Variants in DHRSX observed in about 807,000 individuals in gnomAD.
The protein encoded by DHRSX is polyprenol dehydrogenase.
Under a neutral mutation model 34.0 loss-of-function variants are expected in DHRSX, and 31 were observed. The ratio of observed to expected loss-of-function variants is 0.91; its 90% CI spans 0.69 to 1.23. The LOEUF (loss-of-function observed/expected upper bound fraction) is 1.23. Ranked by LOEUF, DHRSX falls within the 50% of genes most tolerant of loss-of-function variation. The pLI is 0.00. For missense variants in DHRSX, 414 were observed against 428.1 expected, an observed-to-expected ratio of 0.97 and a Z score of 0.29; for synonymous variants, 201 against 183.8, an observed-to-expected ratio of 1.09 and a Z score of -0.76.
chrX:2,382,618 C>T (rs1167639364), intron 3 of DHRSX, among the ~76,000 whole-genome samples: 6 of 9,228 alleles, frequency 6.5e-4, no homozygotes, highest in South Asian at 2.4e-3. Flanking sequence ...ACCATCATCA[C>T]CACCATCATC....
intron 3 of DHRSX, among the ~76,000 whole-genome samples, chrX:2,402,372 C>T (rs1282413029): frequency 6.6e-6 from 1 of 152,176 alleles, no homozygotes; most frequent in Non-Finnish European, 1.5e-5. Context: ...GAGCAAGGTT[C>T]GTACGGGTTT....
intron 6 of DHRSX, among the ~76,000 whole-genome samples, chrX:2,234,377 C>T (rs2015966165): frequency 6.6e-6 from 1 of 151,972 alleles, no homozygotes; most frequent in Non-Finnish European, 1.5e-5. Context: ...TCCCTGCCTT[C>T]ATCCATGCAC....
At chrX:2,469,638 A>AGCCAAGGGACT (rs2044558802) in intron 1 of DHRSX, among the ~76,000 whole-genome samples, 1 of 148,214 alleles carries the variant, frequency 6.7e-6, no homozygotes, top group Admixed American at 6.7e-5. Flanking sequence ...CTAAGGATGC[A>AGCCAAGGGACT]GCCAAGGGAC....
chrX:2,429,139 T>C (rs1342780392), intron 1 of DHRSX, among the ~76,000 whole-genome samples: 1 of 152,148 alleles, frequency 6.6e-6, no homozygotes, highest in African/African-American at 2.4e-5. Flanking sequence ...ACCTGTACAA[T>C]GACATTCCCG....
chrX:2,437,388 T>A (rs2044005172), intron 1 of DHRSX, among the ~76,000 whole-genome samples: 1 of 152,032 alleles, frequency 6.6e-6, no homozygotes, highest in Admixed American at 6.6e-5. Flanking sequence ...GAAAAATCAC[T>A]AGGTCAGAAG....
At chrX:2,228,535 G>GGAAAAAAGA (rs1467192768) in intron 6 of DHRSX, among the ~76,000 whole-genome samples, 3 of 145,658 alleles carry the variant, frequency 2.1e-5, no homozygotes, top group Non-Finnish European at 4.5e-5. Flanking sequence ...AAGGACTGGA[G>GGAAAAAAGA]GAAAAAAGAG....
intron 3 of DHRSX, among the ~76,000 whole-genome samples, chrX:2,295,578 C>T (rs2041922530): frequency 6.6e-6 from 1 of 151,854 alleles, no homozygotes; most frequent in African/African-American, 2.4e-5. Flanking sequence ...TATAATAATA[C>T]CAAAAAAACA....
At chrX:2,493,365 T>C (rs192782714) in intron 1 of DHRSX, among the ~76,000 whole-genome samples, 115 of 152,196 alleles carry the variant, frequency 7.6e-4, no homozygotes, top group South Asian at 1.5e-3. Flanking sequence ...GTTTTGGTAA[T>C]TGGGAGGAAA....
intron 3 of DHRSX, among the ~76,000 whole-genome samples, chrX:2,373,548 A>G (rs766985361): frequency 6.6e-6 from 1 of 152,236 alleles, no homozygotes; most frequent in Non-Finnish European, 1.5e-5. Flanking sequence ...TCTACATCCC[A>G]TGGAAACCAC....
intron 1 of DHRSX, among the ~76,000 whole-genome samples, chrX:2,485,814 GAGAA>G (rs1156312175): frequency 5.3e-5 from 4 of 75,222 alleles, no homozygotes; most frequent in Non-Finnish European, 8.1e-5. Context: ...AAGGAAGGGA[GAGAA>G]GGAAGGAAGG....
At chrX:2,305,192 T>C (rs1275505356) in intron 3 of DHRSX, among the ~76,000 whole-genome samples, 1 of 138,012 alleles carries the variant, frequency 7.2e-6, no homozygotes, top group African/African-American at 2.7e-5. Flanking sequence ...CAACACACAC[T>C]GGGGCGTGTT....
intron 3 of DHRSX, among the ~76,000 whole-genome samples, chrX:2,371,559 T>TA (rs1569494773): frequency 6.7e-6 from 1 of 148,316 alleles, no homozygotes; most frequent in African/African-American, 2.5e-5. Context: ...GTTACCATAG[T>TA]CCCTCCTTCC....
At chrX:2,300,125 C>T (rs2041993802) in intron 3 of DHRSX, among the ~76,000 whole-genome samples, 2 of 152,124 alleles carry the variant, frequency 1.3e-5, no homozygotes, top group Admixed American at 6.5e-5. Flanking sequence ...ATGAACTGTA[C>T]CTCCCTAAAA....
chrX:2,285,988 G>A (rs181526172), intron 4 of DHRSX, among the ~76,000 whole-genome samples: 1 of 152,136 alleles, frequency 6.6e-6, no homozygotes, highest in Admixed American at 6.5e-5. Flanking sequence ...ATAAACCAAG[G>A]CATGCAACAA....
At chrX:2,473,517 G>T (rs2044626487) in intron 1 of DHRSX, among the ~76,000 whole-genome samples, 1 of 151,258 alleles carries the variant, frequency 6.6e-6, no homozygotes, top group South Asian at 2.1e-4. Context: ...CAGCTACTCA[G>T]GAGACTGAGG....
At chrX:2,385,088 T>C (rs151068933) in intron 3 of DHRSX, among the ~76,000 whole-genome samples, 10,440 of 150,158 alleles carry the variant, frequency 0.07, 775 homozygotes, top group African/African-American at 0.18. Context: ...GGCGACAGAG[T>C]GAGACTCCAT....
chrX:2,408,948 T>C (rs760201002), intron 2 of DHRSX, 135 bp from the exon 3 acceptor site: 3 of 763,636 alleles, frequency 3.9e-6, no homozygotes, highest in South Asian at 3.5e-5. Context: ...TTTCCCTTTA[T>C]CCTAGCGTCT....
chrX:2,360,319 T>C (rs997893726), intron 3 of DHRSX, among the ~76,000 whole-genome samples: 14 of 152,182 alleles, frequency 9.2e-5, no homozygotes, highest in Non-Finnish European at 1.8e-4. Context: ...GCGTGGTGGC[T>C]CACGCCTGTA....
chrX:2,415,398 C>T (rs916045192), intron 2 of DHRSX, among the ~76,000 whole-genome samples: 6 of 151,690 alleles, frequency 4.0e-5, no homozygotes, highest in Non-Finnish European at 8.8e-5. Context: ...TGATCTAGTA[C>T]AACTAGCTCT....
Sources: gnomAD v4.1 joint callset for allele counts (sites outside exome capture counted in the v4.1 genomes callset) on GRCh38, gnomAD v4.1.1 for gene constraint, MANE v1.5 for transcripts, NCBI Gene and HGNC (gene_info 2026-07-23, HGNC 2026-07-21) for gene names.